The following MEI4 variants were observed in gnomAD, a reference collection of about 807,000 sequenced individuals.
MEI4 encodes the protein meiosis-specific protein MEI4.
In MEI4, 27 loss-of-function variants were observed where a neutral mutation model predicts 31.4. The ratio of observed to expected loss-of-function variants is 0.86; its 90% CI spans 0.63 to 1.19. MEI4 has a LOEUF of 1.19. MEI4 is among the 50% of genes most tolerant of loss of function. The pLI is 0.00. For missense variants in MEI4, 329 were observed against 398.9 expected, an observed-to-expected ratio of 0.82 and a Z score of 1.49; for synonymous variants, 122 against 145.4, an observed-to-expected ratio of 0.84 and a Z score of 1.16.
At chr6:77,804,719 G>A (rs1308604181) in intron 3 of MEI4, among the ~76,000 whole-genome samples, 1 of 152,134 alleles carries the variant, frequency 6.6e-6, no homozygotes, top group Non-Finnish European at 1.5e-5. Context: ...CCAGAAAAAT[G>A]AAAATATCTA....
At chr6:77,914,720 G>T (rs1419769417) in intron 4 of MEI4, among the ~76,000 whole-genome samples, 1 of 152,038 alleles carries the variant, frequency 6.6e-6, no homozygotes, top group Non-Finnish European at 1.5e-5. Context: ...TCTCCCCTTA[G>T]ATCTAATAAT....
At chr6:77,797,166 T>G (rs1042943852) in intron 3 of MEI4, among the ~76,000 whole-genome samples, 3 of 152,234 alleles carry the variant, frequency 2.0e-5, no homozygotes, top group Non-Finnish European at 4.4e-5. Context: ...GATTCTTATC[T>G]CACACCATAC....
intron 4 of MEI4, among the ~76,000 whole-genome samples, chr6:77,912,473 G>A (rs1346750888): frequency 6.6e-6 from 1 of 151,958 alleles, no homozygotes; most frequent in Non-Finnish European, 1.5e-5. Context: ...CCATTTATTT[G>A]TGTTTTCTTC....
chr6:77,747,656 C>G (rs1032504377), intron 2 of MEI4, among the ~76,000 whole-genome samples: 11 of 152,090 alleles, frequency 7.2e-5, no homozygotes, highest in Admixed American at 2.0e-4. Context: ...GACACAGAGC[C>G]AAACCATATT....
At chr6:77,776,399 A>G (rs1768443742) in intron 3 of MEI4, among the ~76,000 whole-genome samples, 1 of 152,090 alleles carries the variant, frequency 6.6e-6, no homozygotes, top group Non-Finnish European at 1.5e-5. Flanking sequence ...TTCTTGGTCT[A>G]AGGATAATTC....
chr6:77,775,307 A>G (rs1352497665), intron 3 of MEI4, among the ~76,000 whole-genome samples: 2 of 152,024 alleles, frequency 1.3e-5, no homozygotes, highest in Admixed American at 1.3e-4. Flanking sequence ...CACTGTACCC[A>G]GTGTGTGGTC....
chr6:77,832,364 C>T (rs1770104382), intron 4 of MEI4, among the ~76,000 whole-genome samples: 1 of 151,722 alleles, frequency 6.6e-6, no homozygotes, highest in Non-Finnish European at 1.5e-5. Flanking sequence ...ATATGTATGT[C>T]ATATTGTACT....
intron 1 of MEI4, among the ~76,000 whole-genome samples, chr6:77,662,885 G>A (rs1209474247): frequency 1.3e-5 from 2 of 152,182 alleles, no homozygotes; most frequent in Non-Finnish European, 2.9e-5. Flanking sequence ...AAGAAATTTG[G>A]GCTTGATTGA....
intron 3 of MEI4, among the ~76,000 whole-genome samples, chr6:77,782,316 T>C (rs1309037766): frequency 1.3e-5 from 2 of 152,138 alleles, no homozygotes; most frequent in African/African-American, 2.4e-5. Flanking sequence ...TGTGATTTTA[T>C]ACATAAGGGA....
chr6:77,687,498 G>A (rs1450144014), intron 1 of MEI4, among the ~76,000 whole-genome samples: 2 of 152,026 alleles, frequency 1.3e-5, no homozygotes, highest in Non-Finnish European at 2.9e-5. Flanking sequence ...TAACTACCTG[G>A]AGTTAGCTTC....
chr6:77,761,968 GT>G (rs1436640325), intron 3 of MEI4, among the ~76,000 whole-genome samples: 1 of 151,902 alleles, frequency 6.6e-6, no homozygotes, highest in East Asian at 1.9e-4. Flanking sequence ...TCCCTTTTCT[GT>G]TTCTATTTCT....
At chr6:77,695,821 G>A (rs1473318754) in intron 2 of MEI4, among the ~76,000 whole-genome samples, 1 of 152,134 alleles carries the variant, frequency 6.6e-6, no homozygotes, top group East Asian at 1.9e-4. Context: ...GTAGCTTGAT[G>A]GGGATGGCAT....
At chr6:77,855,446 T>A (rs551058395) in intron 4 of MEI4, among the ~76,000 whole-genome samples, 1 of 152,322 alleles carries the variant, frequency 6.6e-6, no homozygotes, top group South Asian at 2.1e-4. Flanking sequence ...ATGGAAAAAC[T>A]GCTTATGGTT....
At chr6:77,916,745 T>G (rs1766563117) in intron 4 of MEI4, among the ~76,000 whole-genome samples, 1 of 147,174 alleles carries the variant, frequency 6.8e-6, no homozygotes, top group Middle Eastern at 3.4e-3. Context: ...TCAGTCACAT[T>G]TTCAGGCTGC....
At chr6:77,854,385 A>T (rs1770699099) in intron 4 of MEI4, among the ~76,000 whole-genome samples, 1 of 150,872 alleles carries the variant, frequency 6.6e-6, no homozygotes, top group Non-Finnish European at 1.5e-5. Flanking sequence ...TGTACAATGC[A>T]GTGTTAATGT....
rs893467185 is a variant in MEI4 at position 77,728,006 on chromosome 6, A to G, written c.233-33124A>G. 2.6e-5 allele frequency among the ~76,000 whole-genome samples: 4 copies of G among 152,338 alleles called. No individual in the cohort carries two copies. The East Asian group carries it at 7.7e-4, about 29-fold the overall frequency. ...CAGAGACTGTAATTGTAAGATTTAT[A>G]AGTTGCACAGTACCTAGTAAGACGA... On this transcript the variant is annotated intron_variant, in intron 2 of 4. Coordinates refer to ENST00000684080, the MANE Select transcript of MEI4 (RefSeq NM_001322247.2).
intron 2 of MEI4, among the ~76,000 whole-genome samples, chr6:77,735,233 C>T (rs1350324609): frequency 6.6e-6 from 1 of 151,978 alleles, no homozygotes; most frequent in Non-Finnish European, 1.5e-5. Context: ...GAGTGTTTTC[C>T]AACTTGGCTC....
At chr6:77,851,126 G>A (rs975444216) in intron 4 of MEI4, among the ~76,000 whole-genome samples, 37 of 152,262 alleles carry the variant, frequency 2.4e-4, no homozygotes, top group Non-Finnish European at 5.1e-4. Flanking sequence ...TCATTAAAAA[G>A]TCAGGAAACA....
intron 2 of MEI4, among the ~76,000 whole-genome samples, chr6:77,733,021 C>T (rs1474187762): frequency 2.0e-5 from 3 of 151,750 alleles, no homozygotes; most frequent in Non-Finnish European, 2.9e-5. Flanking sequence ...CTGCTGGATT[C>T]GTTTTGCCAG....
Sources: gnomAD v4.1 joint callset for allele counts (sites outside exome capture counted in the v4.1 genomes callset) on GRCh38, gnomAD v4.1.1 for gene constraint, MANE v1.5 for transcripts, NCBI Gene and HGNC (gene_info 2026-07-23, HGNC 2026-07-21) for gene names.